Variants in TMEM132D observed in about 807,000 individuals in gnomAD.
TMEM132D encodes transmembrane protein 132D, also known as mature OL transmembrane protein.
TMEM132D carries 21 observed loss-of-function variants against 62.3 expected under a neutral mutation model. The observed-to-expected ratio is 0.34, with a 90% CI of 0.24 to 0.49. The LOEUF (loss-of-function observed/expected upper bound fraction) is 0.49, where lower values mean the gene tolerates loss of function less well. Among genes scored for constraint, TMEM132D ranks in the 20% least tolerant of loss-of-function variants. The probability of loss-of-function intolerance (pLI) is 0.99; values close to 1 mark genes in which losing one functional copy is unlikely to be tolerated. For synonymous variants in TMEM132D, 621 were observed against 575.6 expected (o/e 1.08, Z -1.13); for missense variants, 1,346 against 1,402.8 (o/e 0.96, Z 0.65).
At chr12:129,197,285 A>G (rs1878575546) in intron 5 of TMEM132D, among the ~76,000 whole-genome samples, 1 of 152,170 alleles carries the variant, frequency 6.6e-6, no homozygotes, top group Admixed American at 6.5e-5. Flanking sequence ...GCCCAATCTC[A>G]TCCCCAAGCA....
At chr12:129,732,455 G>A (rs1165041417) in intron 1 of TMEM132D, among the ~76,000 whole-genome samples, 2 of 152,320 alleles carry the variant, frequency 1.3e-5, no homozygotes, top group East Asian at 3.9e-4. Flanking sequence ...GGTGAGAGGT[G>A]TTTGAATCAG....
chr12:129,399,877 G>A (rs1264030653), intron 3 of TMEM132D, among the ~76,000 whole-genome samples: 1 of 151,524 alleles, frequency 6.6e-6, no homozygotes, highest in Non-Finnish European at 1.5e-5. Context: ...AGTTGTGTGT[G>A]TGCGTGTGTG....
intron 3 of TMEM132D, among the ~76,000 whole-genome samples, chr12:129,517,807 T>A (rs531056148): frequency 6.6e-6 from 1 of 152,194 alleles, no homozygotes; most frequent in African/African-American, 2.4e-5. Flanking sequence ...GCAGGCATGG[T>A]TGAATAAGGA....
At chr12:129,617,633 C>T (rs1421704955) in intron 2 of TMEM132D, among the ~76,000 whole-genome samples, 2 of 152,100 alleles carry the variant, frequency 1.3e-5, no homozygotes, top group African/African-American at 4.8e-5. Context: ...GTCACAGGTG[C>T]CATCGATGAA....
chr12:129,774,963 G>A (rs1473025643), intron 1 of TMEM132D, among the ~76,000 whole-genome samples: 4 of 152,194 alleles, frequency 2.6e-5, no homozygotes, highest in African/African-American at 4.8e-5. Flanking sequence ...TTCAGTAAGT[G>A]TGGACAAATC....
intron 2 of TMEM132D, among the ~76,000 whole-genome samples, chr12:129,692,066 C>T (rs1208398995): frequency 6.6e-6 from 1 of 151,968 alleles, no homozygotes; most frequent in Non-Finnish European, 1.5e-5. Context: ...TCTCTCCGAG[C>T]AAGCAGAAGC....
rs1555240898 is a variant in TMEM132D, at chr12:129,244,403, A to AAC, written c.1300-34741_1300-34740insGT. On this transcript the variant is annotated intron_variant, in intron 4 of 8. Transcript: ENST00000422113. ...TCTGTCTCAAAAAAAAAAAAAAAAA[A>AAC]AAAAAACAAACAAAAAGGAACAAGG... 1.7e-3 allele frequency among the ~76,000 whole-genome samples: 241 copies of AAC among 145,652 alleles called. 3 individuals carry two copies. The highest frequency in any genetic ancestry group is 0.016 in the East Asian group (80 of 4,862).
chr12:129,277,124 G>A lies in TMEM132D; in HGVS notation c.1299+60510C>T, dbSNP rs1450262091. 1.3e-5 allele frequency among the ~76,000 whole-genome samples: 2 copies of A among 152,200 alleles called. No homozygotes were observed. Among genetic ancestry groups the A allele is most frequent in the South Asian group, 2.1e-4 (1 of 4,828 alleles). On this transcript the variant is annotated intron_variant, in intron 4 of 8. Transcript: ENST00000422113. The surrounding 1 kb of genome is among the most constrained non-coding windows in gnomAD (Gnocchi z 4.2). ...TAATAATATAAAGGTGAATTTCAGG[G>A]CCTTAGAACATGGGTGTGGGTGAGA...
chr12:129,446,487 A>C (rs1006941254), intron 3 of TMEM132D, among the ~76,000 whole-genome samples: 2 of 152,198 alleles, frequency 1.3e-5, no homozygotes, highest in Non-Finnish European at 2.9e-5. Flanking sequence ...GAGAGACAAG[A>C]TCTCTGTCCT....
intron 5 of TMEM132D, among the ~76,000 whole-genome samples, chr12:129,169,794 A>G (rs943761070): frequency 3.3e-5 from 5 of 152,302 alleles, no homozygotes; most frequent in African/African-American, 9.6e-5. Flanking sequence ...ACATCTTCAC[A>G]TTTATTTTTA....
At chr12:129,491,459 G>A (rs1322633077) in intron 3 of TMEM132D, among the ~76,000 whole-genome samples, 1 of 152,196 alleles carries the variant, frequency 6.6e-6, no homozygotes, top group Admixed American at 6.5e-5. Flanking sequence ...ATGGAGGATG[G>A]GGTGGAGGGA....
chr12:129,085,339 CAG>C (rs963071669), intron 5 of TMEM132D: 16 of 152,496 alleles, frequency 1.0e-4, no homozygotes, highest in African/African-American at 3.6e-4. Context: ...GCCCGTCCTG[CAG>C]AGTTCCCTAG....
intron 5 of TMEM132D, among the ~76,000 whole-genome samples, chr12:129,090,996 G>A (rs1161825413): frequency 6.6e-6 from 1 of 152,204 alleles, no homozygotes; most frequent in Non-Finnish European, 1.5e-5. Context: ...GAAGGGGAGG[G>A]AGCCGTGTGT....
intron 1 of TMEM132D, among the ~76,000 whole-genome samples, chr12:129,877,802 T>C (rs1175242261): frequency 1.3e-5 from 2 of 152,184 alleles, no homozygotes; most frequent in Non-Finnish European, 2.9e-5. Flanking sequence ...TAAGTTATTC[T>C]AATGTCTTCA....
At chr12:129,283,911 T>C (rs1214269945) in intron 4 of TMEM132D, among the ~76,000 whole-genome samples, 2 of 152,250 alleles carry the variant, frequency 1.3e-5, no homozygotes. Context: ...CCCTTGAATA[T>C]GAACTTGCCC....
chr12:129,831,150 T>G (rs541505884), intron 1 of TMEM132D, among the ~76,000 whole-genome samples: 1 of 152,234 alleles, frequency 6.6e-6, no homozygotes, highest in Non-Finnish European at 1.5e-5. Context: ...CATACCCTCC[T>G]CTGGAGCCAG....
intron 1 of TMEM132D, among the ~76,000 whole-genome samples, chr12:129,788,145 T>C (rs756082767): frequency 1.3e-5 from 2 of 152,236 alleles, no homozygotes; most frequent in Non-Finnish European, 2.9e-5. Flanking sequence ...GATACAAAGC[T>C]GTGGCAAAGA....
chr12:129,863,515 C>T (rs540840912), intron 1 of TMEM132D, among the ~76,000 whole-genome samples: 1 of 152,222 alleles, frequency 6.6e-6, no homozygotes, highest in Non-Finnish European at 1.5e-5. Flanking sequence ...TATAATGATG[C>T]TTTTTAAAAT....
chr12:129,836,407 C>T (rs373781764), intron 1 of TMEM132D, among the ~76,000 whole-genome samples: 3 of 152,008 alleles, frequency 2.0e-5, no homozygotes, highest in East Asian at 1.9e-4. Context: ...AGTATCTCTG[C>T]AGTGTTTCCT....
Sources: allele counts gnomAD v4.1 joint callset (sites outside exome capture counted in the v4.1 genomes callset), GRCh38; gene constraint gnomAD v4.1.1; non-coding constraint Gnocchi (gnomAD v3.1); transcripts MANE v1.5; gene names NCBI Gene and HGNC (gene_info 2026-07-23, HGNC 2026-07-21).